Variants in CCDC7 observed in about 807,000 individuals in gnomAD.
CCDC7 encodes coiled-coil domain-containing protein 7.
CCDC7 carries 183 observed loss-of-function variants against 196.9 expected under a neutral mutation model. The ratio of observed to expected loss-of-function variants is 0.93; its 90% CI spans 0.82 to 1.05. The LOEUF (loss-of-function observed/expected upper bound fraction) is 1.05. Among genes scored for constraint, CCDC7 ranks in the 50% least tolerant of loss-of-function variants. CCDC7 has a pLI of 0.00. For synonymous variants in CCDC7, 525 were observed against 484.6 expected, an observed-to-expected ratio of 1.08 and a Z score of -1.10; for missense variants, 1,540 against 1,482.2, an observed-to-expected ratio of 1.04 and a Z score of -0.64.
intron 37 of CCDC7, among the ~76,000 whole-genome samples, chr10:32,846,801 G>T (rs2093316094): frequency 6.6e-6 from 1 of 152,166 alleles, no homozygotes; most frequent in African/African-American, 2.4e-5. Flanking sequence ...AAGCACAAAG[G>T]CTAGCTGAAG....
intron 9 of CCDC7, 84 bp downstream of exon 10, chr10:32,492,081 G>A (rs1337506437): frequency 7.5e-7 from 1 of 1,330,198 alleles, no homozygotes; most frequent in Non-Finnish European, 9.8e-7. Flanking sequence ...TATGTAATAT[G>A]TTCATTGAAA....
chr10:32,741,448 C>A (rs1029137168), intron 28 of CCDC7, among the ~76,000 whole-genome samples: 3 of 152,126 alleles, frequency 2.0e-5, no homozygotes, highest in African/African-American at 7.2e-5. Flanking sequence ...CCAGGACCAC[C>A]CCTTCATACA....
intron 41 of CCDC7, among the ~76,000 whole-genome samples, chr10:32,868,800 T>C (rs543359863): frequency 6.9e-6 from 1 of 145,132 alleles, no homozygotes; most frequent in Non-Finnish European, 1.5e-5. Context: ...TTCCCACCTA[T>C]GAGTGAGAAC....
chr10:32,544,198 G>A, intron 12 of CCDC7, 49 bp from the exon 14 acceptor site: 3 of 1,491,130 alleles, frequency 2.0e-6, no homozygotes, highest in Non-Finnish European at 2.8e-6. Flanking sequence ...GCAAAGCAGT[G>A]ATGCATTTAA....
In CCDC7 at chr10:32,491,982, C is replaced by A. The variant is rs760161326; in HGVS notation, c.857C>A (p.Ala286Glu). The change falls in exon 9 of 42, where the codon GCA (alanine) becomes GAA (glutamate). Residue 286 changes from alanine (A) to glutamate (E), a missense_variant. Transcript: ENST00000639629. ...ATGTTGAAAGTATTTGAAAACCAGG[C>A]AAATATGTTGGAGAGGTAAGCTTTT... 1.8e-5 allele frequency: 29 copies of A among 1,574,938 alleles called. No individual in the cohort carries two copies. The South Asian group carries it at 3.5e-4, about 19-fold the overall frequency.
chr10:32,649,091 A>T (rs916656217), intron 20 of CCDC7, among the ~76,000 whole-genome samples: 1 of 152,182 alleles, frequency 6.6e-6, no homozygotes, highest in African/African-American at 2.4e-5. Flanking sequence ...TCTTACTTCT[A>T]AGTGAGAGCT....
intron 18 of CCDC7, among the ~76,000 whole-genome samples, chr10:32,597,912 C>A (rs935059896): frequency 6.6e-6 from 1 of 152,176 alleles, no homozygotes; most frequent in Admixed American, 6.5e-5. Flanking sequence ...CAGTCGCCCC[C>A]CTACTGGGAG....
chr10:32,449,525 G>A (rs2032426666), upstream of CCDC7, among the ~76,000 whole-genome samples: 1 of 151,942 alleles, frequency 6.6e-6, no homozygotes, highest in African/African-American at 2.4e-5. Flanking sequence ...CCGTTGTCAA[G>A]TTGTTTTGGC....
At position 32,689,180 on chromosome 10, in the gene CCDC7, A is replaced by G. The variant is rs1034420013; in HGVS notation, c.2344+17A>G. 9 of 1,433,098 alleles carry G rather than the reference A, an allele frequency of 6.3e-6. No homozygotes were observed. The highest frequency in any genetic ancestry group is 8.7e-6 in the Non-Finnish European group (9 of 1,039,638). 88.8% of individuals were successfully genotyped at this position (1,433,098 alleles called of 1,614,324 possible). A position where few individuals can be genotyped will look rare whatever the true frequency, so the allele number is the denominator to read the frequency against. On this transcript the variant is annotated intron_variant, in intron 23 of 41. Transcript: ENST00000639629. ...GAATTATTAGTAAGTATAAAAAGTA[A>G]AGATAACTTTAAATTATTTAAAAGT...
chr10:32,468,225 A>G (rs2037241376), intron 5 of CCDC7, among the ~76,000 whole-genome samples: 1 of 152,132 alleles, frequency 6.6e-6, no homozygotes. Context: ...TGCACATGGA[A>G]TGTTTTTCCA....
At chr10:32,612,480 C>T (rs1372938504) in intron 18 of CCDC7, among the ~76,000 whole-genome samples, 2 of 152,144 alleles carry the variant, frequency 1.3e-5, no homozygotes, top group Non-Finnish European at 2.9e-5. Flanking sequence ...TGAGAGAGGG[C>T]ATCCTTGTCT....
At chr10:32,536,346 T>C (rs1002175879) in intron 11 of CCDC7, among the ~76,000 whole-genome samples, 7 of 152,150 alleles carry the variant, frequency 4.6e-5, no homozygotes, top group African/African-American at 1.7e-4. Flanking sequence ...CAAGCAGACC[T>C]ACACCCCATG....
intron 28 of CCDC7, among the ~76,000 whole-genome samples, chr10:32,757,344 A>G (rs2133706587): frequency 6.6e-6 from 1 of 152,326 alleles, no homozygotes; most frequent in East Asian, 1.9e-4. Flanking sequence ...CTAACCACAT[A>G]GTTGGAAGCA....
intron 32 of CCDC7, among the ~76,000 whole-genome samples, chr10:32,830,388 G>GA (rs111905600): frequency 1.6e-4 from 23 of 146,622 alleles, no homozygotes; most frequent in African/African-American, 2.2e-4. Flanking sequence ...ATGCAAAAAA[G>GA]AAAAAAAAAC....
At chr10:32,506,350 A>T (rs2045098897) in intron 9 of CCDC7, among the ~76,000 whole-genome samples, 1 of 146,370 alleles carries the variant, frequency 6.8e-6, no homozygotes, top group Non-Finnish European at 1.5e-5. Context: ...GGCCGGGCAG[A>T]GGCGCTCTTC....
intron 41 of CCDC7, among the ~76,000 whole-genome samples, chr10:32,857,589 T>C (rs1418657304): frequency 3.9e-5 from 6 of 151,964 alleles, no homozygotes; most frequent in Non-Finnish European, 8.8e-5. Context: ...CAAATGACAA[T>C]AGAATCACAA....
chr10:32,471,317 TGATGGCTATACAC>T (rs1397966667), intron 6 of CCDC7, 87 bp downstream of exon 7: 1 of 1,462,918 alleles, frequency 6.8e-7, no homozygotes, highest in Non-Finnish European at 9.2e-7. Flanking sequence ...GGGTCAGATA[TGATGGCTATACAC>T]AGAGCTTCTT....
rs149546925 is a variant in CCDC7, at chr10:32,679,599, A to G, written c.2123-6371A>G. Among the ~76,000 whole-genome samples the G allele has an allele frequency of 8.7e-4, 132 of 152,330 alleles. 1 individual carries two copies. The highest frequency in any genetic ancestry group is 2.9e-3 in the African/African-American group (120 of 41,572). ...CAGAGCCAGTATTATCACATGGAATAAGACAACATTCCCCTTACAGATAAT... is the reference window on the plus strand; with the variant it reads ...CAGAGCCAGTATTATCACATGGAATGAGACAACATTCCCCTTACAGATAAT... On this transcript the variant is annotated intron_variant, in intron 21 of 41. Transcript: ENST00000639629.
chr10:32,607,706 A>G (rs528184968), intron 18 of CCDC7, among the ~76,000 whole-genome samples: 4 of 152,078 alleles, frequency 2.6e-5, no homozygotes, highest in African/African-American at 9.7e-5. Context: ...AACTTTTTAA[A>G]TGTTTTTTGA....
Sources: allele counts gnomAD v4.1 joint callset (sites outside exome capture counted in the v4.1 genomes callset), GRCh38; gene constraint gnomAD v4.1.1; transcripts MANE v1.5; gene names NCBI Gene and HGNC (gene_info 2026-07-23, HGNC 2026-07-21).